Variants in HCN1 observed in about 807,000 individuals in gnomAD.
HCN1 encodes hyperpolarization activated cyclic nucleotide gated potassium channel 1, also known as potassium/sodium hyperpolarization-activated cyclic nucleotide-gated channel 1.
HCN1 carries 13 observed loss-of-function variants against 78.9 expected under a neutral mutation model. The ratio of observed to expected loss-of-function variants is 0.16; its 90% CI spans 0.11 to 0.26. HCN1 has a LOEUF of 0.26. HCN1 is among the 10% of genes least tolerant of loss of function. HCN1 has a pLI of 1.00. For missense variants in HCN1, 810 were observed against 1,154.3 expected (o/e 0.70, Z 4.32); for synonymous variants, 552 against 455.5 (o/e 1.21, Z -2.70).
intron 2 of HCN1, among the ~76,000 whole-genome samples, chr5:45,622,839 T>C (rs1008637996): frequency 2.6e-5 from 4 of 152,226 alleles, no homozygotes; most frequent in African/African-American, 4.8e-5. Flanking sequence ...ATACCTATTA[T>C]GCTTTCGTAA....
chr5:45,590,012 T>A (rs577353375), intron 2 of HCN1, among the ~76,000 whole-genome samples: 11 of 152,200 alleles, frequency 7.2e-5, no homozygotes, highest in Non-Finnish European at 1.5e-4. Context: ...ATGACTATGA[T>A]AATTACTCCA....
chr5:45,290,234 C>G (rs770805329), intron 6 of HCN1, among the ~76,000 whole-genome samples: 4 of 151,962 alleles, frequency 2.6e-5, no homozygotes, highest in Admixed American at 6.6e-5. Flanking sequence ...GCTGTGAGTC[C>G]ATTAAACCTC....
At chr5:45,468,598 T>C (rs183176418) in intron 2 of HCN1, among the ~76,000 whole-genome samples, 303 of 152,194 alleles carry the variant, frequency 2.0e-3, no homozygotes, top group Non-Finnish European at 2.0e-3. Flanking sequence ...ATTTTTTGCA[T>C]AGAATTTTAA....
chr5:45,310,524 G>C (rs1745829156), intron 5 of HCN1, among the ~76,000 whole-genome samples: 1 of 152,114 alleles, frequency 6.6e-6, no homozygotes, highest in South Asian at 2.1e-4. Flanking sequence ...AACAGATGCT[G>C]GTGATGTTGT....
chr5:45,326,847 T>C (rs1321697170), intron 5 of HCN1, among the ~76,000 whole-genome samples: 2 of 151,640 alleles, frequency 1.3e-5, no homozygotes, highest in African/African-American at 4.8e-5. Flanking sequence ...TGTCTTAGCA[T>C]AGTCCCACTG....
At chr5:45,470,316 T>C (rs1366777486) in intron 2 of HCN1, among the ~76,000 whole-genome samples, 1 of 151,984 alleles carries the variant, frequency 6.6e-6, no homozygotes, top group African/African-American at 2.4e-5. Flanking sequence ...ACCAATAATA[T>C]TGCACTACAA....
rs192486112 is a variant in HCN1, at chr5:45,312,216, C to T, written c.1378-8377G>A. On this transcript the variant is annotated intron_variant, in intron 5 of 7. Transcript: ENST00000303230. ...TTGAGGATGCTTCTCATTTGGCAAACGGTAACCCTGCTAAAGGGTAGTGCT... is the reference window on the plus strand; with the variant it reads ...TTGAGGATGCTTCTCATTTGGCAAATGGTAACCCTGCTAAAGGGTAGTGCT... 1.6e-3 allele frequency among the ~76,000 whole-genome samples: 243 copies of T among 152,182 alleles called. 1 individual carries two copies. The highest frequency in any genetic ancestry group is 0.015 in the East Asian group (80 of 5,164).
At chr5:45,492,126 A>G (rs1028539172) in intron 2 of HCN1, among the ~76,000 whole-genome samples, 2 of 152,016 alleles carry the variant, frequency 1.3e-5, no homozygotes, top group African/African-American at 4.8e-5. Context: ...TGAGTGTTAC[A>G]CCAGCTACTC....
intron 1 of HCN1, among the ~76,000 whole-genome samples, chr5:45,656,650 T>C (rs1227459087): frequency 6.6e-6 from 1 of 152,110 alleles, no homozygotes; most frequent in Non-Finnish European, 1.5e-5. Flanking sequence ...ATCCCAAGAG[T>C]TTGCTCCTAA....
intron 1 of HCN1, among the ~76,000 whole-genome samples, chr5:45,661,131 G>A (rs2112059150): frequency 1.3e-5 from 2 of 148,298 alleles, no homozygotes; most frequent in African/African-American, 5.0e-5. Context: ...AATCAAACTA[G>A]AACTCAGGAT....
chr5:45,381,313 A>G (rs1195046323), intron 4 of HCN1, among the ~76,000 whole-genome samples: 1 of 152,110 alleles, frequency 6.6e-6, no homozygotes, highest in African/African-American at 2.4e-5. Flanking sequence ...TTCTTCCCAA[A>G]ACGTAGATTC....
intron 3 of HCN1, among the ~76,000 whole-genome samples, chr5:45,399,749 G>A (rs1173697094): frequency 1.3e-5 from 2 of 152,018 alleles, no homozygotes; most frequent in South Asian, 2.1e-4. Flanking sequence ...TTAGCTGAAA[G>A]GATTGAGGTT....
intron 3 of HCN1, among the ~76,000 whole-genome samples, chr5:45,453,756 C>T (rs895058768): frequency 2.0e-5 from 3 of 152,022 alleles, no homozygotes; most frequent in Non-Finnish European, 4.4e-5. Flanking sequence ...TTACTCATTT[C>T]CTTCAAAATA....
intron 2 of HCN1, among the ~76,000 whole-genome samples, chr5:45,580,764 C>T (rs1303121642): frequency 6.6e-6 from 1 of 152,052 alleles, no homozygotes; most frequent in Non-Finnish European, 1.5e-5. Context: ...GTTCAATTCC[C>T]ACCTATGAGT....
chr5:45,682,509 C>T (rs1739723935), intron 1 of HCN1, among the ~76,000 whole-genome samples: 1 of 151,426 alleles, frequency 6.6e-6, no homozygotes, highest in African/African-American at 2.4e-5. Flanking sequence ...TATATAAAAA[C>T]CAAAGTTAAG....
chr5:45,467,618 T>TTAGTTGAGGCCCTCAGCAATGGTC (rs1741300819), intron 2 of HCN1, among the ~76,000 whole-genome samples: 2 of 152,088 alleles, frequency 1.3e-5, no homozygotes, highest in South Asian at 4.1e-4. Flanking sequence ...GATAGCAACC[T>TTAGTTGAGGCCCTCAGCAATGGTC]TAGTTGAGGC....
At chr5:45,665,232 G>A (rs1746012425) in intron 1 of HCN1, among the ~76,000 whole-genome samples, 1 of 150,486 alleles carries the variant, frequency 6.6e-6, no homozygotes, top group Non-Finnish European at 1.5e-5. Flanking sequence ...CTCACTCATA[G>A]GTGGGAATTG....
chr5:45,429,353 G>A (rs1206295540), intron 3 of HCN1, among the ~76,000 whole-genome samples: 1 of 152,106 alleles, frequency 6.6e-6, no homozygotes, highest in Admixed American at 6.6e-5. Context: ...AGCTTTATAT[G>A]GGGGCTTCTC....
intron 6 of HCN1, among the ~76,000 whole-genome samples, chr5:45,301,302 TTTGG>T (rs1270750669): frequency 7.4e-6 from 1 of 134,910 alleles, no homozygotes; most frequent in Non-Finnish European, 1.6e-5. Context: ...ACAAATATAC[TTTGG>T]TTGGGTTAAT....
Sources: allele counts gnomAD v4.1 joint callset (sites outside exome capture counted in the v4.1 genomes callset), GRCh38; gene constraint gnomAD v4.1.1; transcripts MANE v1.5; gene names NCBI Gene and HGNC (gene_info 2026-07-23, HGNC 2026-07-21).